The following ELP1 variants were observed in gnomAD, a reference collection of about 807,000 sequenced individuals.
ELP1 encodes the protein elongator complex protein 1.
ELP1 carries 131 observed loss-of-function variants against 183.2 expected under a neutral mutation model. That is an observed-to-expected ratio of 0.72 (90% CI 0.62 to 0.83). The LOEUF (loss-of-function observed/expected upper bound fraction) is 0.83. Among genes scored for constraint, ELP1 ranks in the 40% least tolerant of loss-of-function variants. ELP1 has a pLI of 0.00. For missense variants in ELP1, 1,550 were observed against 1,594.9 expected, an observed-to-expected ratio of 0.97 and a Z score of 0.48; for synonymous variants, 555 against 569.0, an observed-to-expected ratio of 0.98 and a Z score of 0.35.
chr9:108,920,464 T>G lies in ELP1; in HGVS notation c.553-1115A>C, dbSNP rs1829604955. 3.3e-5 allele frequency among the ~76,000 whole-genome samples: 5 copies of G among 152,102 alleles called. No homozygotes were observed. In the South Asian group the frequency reaches 1.0e-3, roughly 32 times the overall value. The stretch of plus-strand genomic sequence containing the variant: ...GCCTGGCTAATTTTTGTATTTTTAG[T>G]AGAGATAGGATTTCACCATGTTGGA... On this transcript the variant is annotated intron_variant, in intron 6 of 36. Transcript: ENST00000374647.
chr9:108,916,553 C>G (rs1355437490), intron 9 of ELP1, among the ~76,000 whole-genome samples: 1 of 151,980 alleles, frequency 6.6e-6, no homozygotes, highest in East Asian at 1.9e-4. Context: ...TACAAGGTGA[C>G]ATTTTTAGAC....
intron 6 of ELP1, 52 bp downstream of exon 6, chr9:108,922,790 C>G (rs1023134183): frequency 1.9e-5 from 26 of 1,404,118 alleles, no homozygotes; most frequent in Non-Finnish European, 2.6e-5. Context: ...TGGTGGGTGG[C>G]AAACTTACAT....
At chr9:108,876,718 C>A (rs866109501) in intron 35 of ELP1, among the ~76,000 whole-genome samples, 2 of 147,438 alleles carry the variant, frequency 1.4e-5, no homozygotes, top group African/African-American at 5.0e-5. Context: ...AGATTTCTTC[C>A]GTGATTGGCT....
At chr9:108,927,796 A>C (rs1320600137) in intron 3 of ELP1, among the ~76,000 whole-genome samples, 2 of 152,192 alleles carry the variant, frequency 1.3e-5, no homozygotes, top group Middle Eastern at 3.2e-3. Context: ...AAAAAGACAA[A>C]CATCACATGT....
chr9:108,894,799 T>TA (rs1828476415), intron 25 of ELP1, among the ~76,000 whole-genome samples: 1 of 152,222 alleles, frequency 6.6e-6, no homozygotes, highest in Non-Finnish European at 1.5e-5. Flanking sequence ...CACAAAACTC[T>TA]GAGACCCTGC....
At chr9:108,882,454 G>A (rs555513212) in intron 29 of ELP1, among the ~76,000 whole-genome samples, 28 of 152,206 alleles carry the variant, frequency 1.8e-4, no homozygotes, top group Non-Finnish European at 2.2e-4. Context: ...CACCAGAAAC[G>A]TCTGTTAGAC....
intron 10 of ELP1, among the ~76,000 whole-genome samples, chr9:108,914,335 C>T (rs996407469): frequency 9.2e-5 from 12 of 130,134 alleles, no homozygotes; most frequent in African/African-American, 3.6e-4. Flanking sequence ...GGAGGCAGAG[C>T]TTGCAGTGAC....
Position 108,905,233 on chromosome 9 carries a change from G to A in ELP1, c.1643+1070C>T, listed in dbSNP as rs577139379. Among the ~76,000 whole-genome samples, 36 of 152,304 alleles carry A rather than the reference G, an allele frequency of 2.4e-4. 1 individual carries two copies. In the South Asian group the frequency reaches 6.6e-3, roughly 28 times the overall value. ...TGTAATGTATATATATAAAGGAAAG[G>A]TTCCTAATTTTGCAACAACGTTTCT... is the stretch of plus-strand genomic sequence containing the variant. On this transcript the variant is annotated intron_variant, in intron 14 of 36. Coordinates refer to ENST00000374647, the MANE Select transcript of ELP1 (RefSeq NM_003640.5).
intron 36 of ELP1, among the ~76,000 whole-genome samples, chr9:108,871,472 C>T (rs1442708376): frequency 1.3e-5 from 2 of 152,146 alleles, no homozygotes; most frequent in African/African-American, 4.8e-5. Flanking sequence ...TTCTCCTTGT[C>T]CAAGCCTTCT....
At position 108,896,503 on chromosome 9, in the gene ELP1, G is replaced by T. The variant is rs1828552155; in HGVS notation, c.2729C>A (p.Ser910Ter). The change falls in exon 25 of 37, where the codon TCA becomes TAA. Residue 910 changes from serine to a stop codon, truncating the protein, a stop_gained. Transcript: ENST00000374647. LOFTEE classifies it high-confidence loss of function. The part of the protein sequence containing the change: ...FDLVLMVAEK[S>*]QKDPKEYLPF... ...AGTAAGAACTCCACATACCTTCTGTGACTTCTCAGCTACCATGAGGACCAA... is the reference window on the plus strand; with the variant it reads ...AGTAAGAACTCCACATACCTTCTGTTACTTCTCAGCTACCATGAGGACCAA... 1.2e-6 allele frequency: 2 copies of T among 1,614,068 alleles called. No individual in the cohort carries two copies. The highest frequency in any genetic ancestry group is 1.1e-5 in the South Asian group (1 of 91,078).
chr9:108,893,914 G>C, intron 26 of ELP1, 29 bp downstream of exon 26: 6 of 1,612,420 alleles, frequency 3.7e-6, no homozygotes, highest in Non-Finnish European at 5.1e-6. Context: ...ATCTGAAGTA[G>C]AGATAAACAT....
intron 29 of ELP1, among the ~76,000 whole-genome samples, chr9:108,888,186 T>C (rs1828200308): frequency 6.6e-6 from 1 of 152,212 alleles, no homozygotes; most frequent in Non-Finnish European, 1.5e-5. Context: ...TCTGTTTATA[T>C]GAAATTCTAG....
In ELP1 at chr9:108,916,239, A is replaced by G. The variant is rs78135392; in HGVS notation, c.923T>C (p.Leu308Pro). 634 of 1,614,180 alleles carry G rather than the reference A, an allele frequency of 3.9e-4. 3 individuals carry two copies. The African/African-American group carries it at 7.1e-3, about 18-fold the overall frequency. ...CGGAATGGAGCTTTCTTCTCTCTGA[A>G]GGTCTTCCAGCCAGACTGCAAGCAC... Reference protein sequence around the residue: ...SSVLAVWLEDLQREESSIPKT... With the variant: ...SSVLAVWLEDPQREESSIPKT... Residue 308 changes from leucine to proline, a missense_variant, in exon 10 of 37, where the codon CTT becomes CCT. Coordinates refer to ENST00000374647, the MANE Select transcript of ELP1 (RefSeq NM_003640.5).
At chr9:108,913,182 A>G (rs1030041444) in intron 10 of ELP1, among the ~76,000 whole-genome samples, 2 of 152,222 alleles carry the variant, frequency 1.3e-5, no homozygotes, top group African/African-American at 4.8e-5. Flanking sequence ...TGGCAATTAG[A>G]GTAAAAGTAT....
At chr9:108,926,822 T>C (rs956061537) in intron 4 of ELP1, among the ~76,000 whole-genome samples, 7 of 152,152 alleles carry the variant, frequency 4.6e-5, no homozygotes. Flanking sequence ...TATTAATGTG[T>C]GTACAGTTGA....
rs866126990 is a variant in ELP1, at chr9:108,932,222, G to A, written c.-55-1021C>T. On this transcript the variant is annotated intron_variant, in intron 1 of 36. Coordinates refer to ENST00000374647, the MANE Select transcript of ELP1 (RefSeq NM_003640.5). Reference sequence around the variant, plus strand: ...AGGAATTATATAATATATAATGTGGGATAAGAGAAAGGTAAGTTTATATAT... The same window carrying A: ...AGGAATTATATAATATATAATGTGGAATAAGAGAAAGGTAAGTTTATATAT... 1.1e-4 allele frequency among the ~76,000 whole-genome samples: 16 copies of A among 152,304 alleles called. No homozygotes were observed. In the South Asian group the frequency reaches 2.1e-3, roughly 20 times the overall value.
intron 36 of ELP1, among the ~76,000 whole-genome samples, chr9:108,872,468 T>C (rs7873612): frequency 0.2 from 30,185 of 152,072 alleles, 3,296 homozygotes; most frequent in African/African-American, 0.28. Context: ...ACAAGGTATT[T>C]CATAAATTCC....
rs1288706972 is a variant in ELP1 at position 108,916,269 on chromosome 9, G to A, written c.893C>T (p.Ser298Phe). The A allele has an allele frequency of 1.9e-6, 3 of 1,614,080 alleles. No homozygotes were observed. Among genetic ancestry groups the A allele is most frequent in the Non-Finnish European group, 2.5e-6 (3 of 1,179,950 alleles). ...TTCCAGCCAGACTGCAAGCACAGAG[G>A]AATCTGCATTCCAGAGCAAGTCATT... ...KVNDLLWNAD[S>F]SVLAVWLEDL... The change falls in exon 10 of 37, where the codon TCC becomes TTC. Residue 298 changes from serine (S) to phenylalanine (F), a missense_variant. By Grantham distance (155) the Ser-to-Phe change is radical. Transcript: ENST00000374647.
intron 28 of ELP1, among the ~76,000 whole-genome samples, chr9:108,890,861 T>C (rs1259977787): frequency 6.6e-6 from 1 of 152,178 alleles, no homozygotes; most frequent in East Asian, 1.9e-4. Context: ...AGGTAAATGT[T>C]TTACCATGAT....
Sources: allele counts gnomAD v4.1 joint callset (sites outside exome capture counted in the v4.1 genomes callset), GRCh38; gene constraint gnomAD v4.1.1; transcripts MANE v1.5; gene names NCBI Gene and HGNC (gene_info 2026-07-23, HGNC 2026-07-21).